The following STAT5B variants were observed in gnomAD, a reference collection of about 807,000 sequenced individuals.
STAT5B encodes transcription factor STAT5B.
A neutral mutation model predicts 107.8 loss-of-function variants in STAT5B; 21 were observed. That is an observed-to-expected ratio of 0.19 (90% CI 0.14 to 0.28). The LOEUF (loss-of-function observed/expected upper bound fraction) is 0.28. Ranked by LOEUF, STAT5B falls within the 10% of genes least tolerant of loss-of-function variation. STAT5B has a pLI of 1.00. For missense variants in STAT5B, 565 were observed against 1,008.2 expected, an observed-to-expected ratio of 0.56 and a Z score of 5.95; for synonymous variants, 325 against 401.7, an observed-to-expected ratio of 0.81 and a Z score of 2.28.
In STAT5B at chr17:42,227,605, T is replaced by G; in HGVS notation, c.209A>C (p.Lys70Thr). The change falls in exon 3 of 19, where the codon AAG becomes ACG. Residue 70 changes from lysine (K) to threonine (T), a missense_variant. Coordinates refer to ENST00000293328, the MANE Select transcript of STAT5B (RefSeq NM_012448.4). The stretch of plus-strand genomic sequence containing the variant: ...TTCCCCCACCTGGTGCTCTGCCTTC[T>G]TCTGCAGCTCCTGCACCAGGCCCTC... ...LLEGLVQELQ[K>T]KAEHQVGEDG... 6.2e-7 allele frequency: 1 copy of G among 1,614,032 alleles called. No individual in the cohort carries two copies. Among genetic ancestry groups the G allele is most frequent in the Non-Finnish European group, 8.5e-7 (1 of 1,179,958 alleles).
chr17:42,260,398 T>C (rs1476413351), intron 1 of STAT5B, among the ~76,000 whole-genome samples: 1 of 152,174 alleles, frequency 6.6e-6, no homozygotes. Flanking sequence ...AGTGTTTTTG[T>C]GGGCTTTTGG....
At chr17:42,241,281 G>A (rs906535787) in intron 1 of STAT5B, among the ~76,000 whole-genome samples, 3 of 150,954 alleles carry the variant, frequency 2.0e-5, no homozygotes, top group South Asian at 4.2e-4. Context: ...TAGAAGTTGC[G>A]GTGAGCTGAG....
At chr17:42,286,077 T>G in the STAT5B span, among the ~76,000 whole-genome samples, 134 of 151,186 alleles carry the variant, frequency 8.9e-4, no homozygotes, top group Non-Finnish European at 1.3e-3. Flanking sequence ...AAATTAGAAA[T>G]ACAAAATTAG....
chr17:42,228,707 G>A (rs113062569), intron 2 of STAT5B, among the ~76,000 whole-genome samples: 2,062 of 152,288 alleles, frequency 0.014, 57 homozygotes, highest in African/African-American at 0.048. Context: ...CGAGGCAGGC[G>A]GATTACCTGA....
intron 1 of STAT5B, among the ~76,000 whole-genome samples, chr17:42,261,412 G>A (rs1023166549): frequency 3.9e-5 from 6 of 151,998 alleles, no homozygotes; most frequent in Admixed American, 6.6e-5. Flanking sequence ...TATGGATTTA[G>A]GTTTTAAAAG....
intron 1 of STAT5B, among the ~76,000 whole-genome samples, chr17:42,253,991 C>T (rs1418091221): frequency 6.6e-6 from 1 of 152,088 alleles, no homozygotes; most frequent in African/African-American, 2.4e-5. Flanking sequence ...TACCTGTTGA[C>T]CCCTCATGTT....
chr17:42,219,859 G>C lies in STAT5B; in HGVS notation c.551-17C>G. 1.2e-6 allele frequency: 2 copies of C among 1,614,162 alleles called. No homozygotes were observed. Among genetic ancestry groups the C allele is most frequent in the Non-Finnish European group, 8.5e-7 (1 of 1,180,020 alleles). On this transcript the variant is annotated splice_polypyrimidine_tract_variant and intron_variant, in intron 5 of 18. Transcript: ENST00000293328. Reference sequence around the variant, plus strand: ...CAAACTGAGCTAGAGGAGGGGAGAGGAAACCATGACCATCACCTCCCAGTG... The same window carrying C: ...CAAACTGAGCTAGAGGAGGGGAGAGCAAACCATGACCATCACCTCCCAGTG...
At chr17:42,205,278 GCCTTGGCCTC>G (rs1392000518) in intron 16 of STAT5B, among the ~76,000 whole-genome samples, 1 of 151,850 alleles carries the variant, frequency 6.6e-6, no homozygotes, top group Non-Finnish European at 1.5e-5. Flanking sequence ...TGATCCACCT[GCCTTGGCCTC>G]CCAAAGTGTT....
At chr17:42,214,177 T>A in intron 12 of STAT5B, 1 of 976,140 alleles carries the variant, frequency 1.0e-6, no homozygotes, top group Non-Finnish European at 1.2e-6. Context: ...GCATAAGATG[T>A]AAGTAGTCAT....
chr17:42,244,882 C>T (rs183553304), intron 1 of STAT5B, among the ~76,000 whole-genome samples: 7 of 151,982 alleles, frequency 4.6e-5, no homozygotes, highest in African/African-American at 7.2e-5. Context: ...ACCATGTAGA[C>T]GCATTTTTAA....
At chr17:42,241,890 T>C (rs999763477) in intron 1 of STAT5B, among the ~76,000 whole-genome samples, 12 of 151,780 alleles carry the variant, frequency 7.9e-5, no homozygotes, top group Non-Finnish European at 1.8e-4. Flanking sequence ...GCTCTTTAAT[T>C]TTTTTTTTCT....
Position 42,201,799 on chromosome 17 carries a change from C to T in STAT5B, c.2303G>A (p.Arg768His), listed in dbSNP as rs763716770. ...TGGCCGGCCCAGGAGCTCCTCCACA[C>T]GCCGCGCTACGTCCATTGTGTCCTC... ...DLEDTMDVAR[R>H]VEELLGRPMD... The change falls in exon 19 of 19, where the codon CGT (arginine) becomes CAT (histidine). Residue 768 changes from arginine to histidine, a missense_variant. Physicochemically the swap from Arg to His is conservative, Grantham distance 29 (BLOSUM62 0). This residue lies in a region of STAT5B where 76 missense variants were observed against 110.2 expected (regional missense o/e 0.69). Transcript: ENST00000293328. 21 of 1,613,974 alleles carry T rather than the reference C, an allele frequency of 1.3e-5. No individual in the cohort carries two copies. Among genetic ancestry groups the T allele is most frequent in the Middle Eastern group, 1.6e-4 (1 of 6,084 alleles).
chr17:42,286,059 AAAATACAAAATTAG>A, the STAT5B span, among the ~76,000 whole-genome samples: 1 of 151,988 alleles, frequency 6.6e-6, no homozygotes, highest in Admixed American at 6.6e-5. Context: ...GCCTCTACTA[AAAATACAAAATTAG>A]AAATACAAAA....
At chr17:42,250,199 C>T (rs757123215) in intron 1 of STAT5B, among the ~76,000 whole-genome samples, 1 of 152,102 alleles carries the variant, frequency 6.6e-6, no homozygotes, top group Non-Finnish European at 1.5e-5. Flanking sequence ...GTTTCTAACT[C>T]GTTAGTTTCA....
chr17:42,216,740 G>A (rs1009523110), intron 11 of STAT5B, among the ~76,000 whole-genome samples: 8 of 151,442 alleles, frequency 5.3e-5, no homozygotes, highest in African/African-American at 1.9e-4. Flanking sequence ...ACCCAGGCTG[G>A]AGTGCAGTGG....
At chr17:42,236,460 G>A (rs2080357031) in intron 1 of STAT5B, among the ~76,000 whole-genome samples, 1 of 152,106 alleles carries the variant, frequency 6.6e-6, no homozygotes, top group Non-Finnish European at 1.5e-5. Flanking sequence ...TTTGTTTTTT[G>A]AGACGGAGTC....
intron 15 of STAT5B, 43 bp downstream of exon 15, chr17:42,210,128 C>G: frequency 6.2e-7 from 1 of 1,613,936 alleles, no homozygotes. Flanking sequence ...AATTTTGTAA[C>G]GAAAGCAGCT....
At chr17:42,244,382 C>A (rs1382177266) in intron 1 of STAT5B, among the ~76,000 whole-genome samples, 17 of 151,810 alleles carry the variant, frequency 1.1e-4, no homozygotes, top group Admixed American at 9.9e-4. Flanking sequence ...TGAGCCACCA[C>A]ACCCAGCCAG....
the STAT5B span, among the ~76,000 whole-genome samples, chr17:42,286,505 G>C: frequency 2.1e-4 from 32 of 152,182 alleles, no homozygotes; most frequent in Non-Finnish European, 4.4e-4. Context: ...GCCCAACCAA[G>C]ACAGATGTTT....
Sources: allele counts gnomAD v4.1 joint callset (sites outside exome capture counted in the v4.1 genomes callset), GRCh38; gene constraint gnomAD v4.1.1; regional missense constraint gnomAD v4.1.1; transcripts MANE v1.5; gene names NCBI Gene and HGNC (gene_info 2026-07-23, HGNC 2026-07-21).